The following MBTPS1 variants were observed in gnomAD, a reference collection of about 807,000 sequenced individuals.
MBTPS1 encodes the protein membrane bound transcription factor peptidase, site 1, also known as membrane-bound transcription factor site-1 protease.
In MBTPS1, 94 loss-of-function variants were observed where a neutral mutation model predicts 127.8. The ratio of observed to expected loss-of-function variants is 0.74; its 90% CI spans 0.62 to 0.87. The LOEUF is 0.87. Among genes scored for constraint, MBTPS1 ranks in the 40% least tolerant of loss-of-function variants. MBTPS1 has a pLI of 0.00. For synonymous variants in MBTPS1, 632 were observed against 509.4 expected, an observed-to-expected ratio of 1.24 and a Z score of -3.24; for missense variants, 1,636 against 1,353.2, an observed-to-expected ratio of 1.21 and a Z score of -3.28.
chr16:84,084,571 T>C (rs570452235), intron 10 of MBTPS1, among the ~76,000 whole-genome samples: 24 of 152,382 alleles, frequency 1.6e-4, no homozygotes, highest in African/African-American at 5.5e-4. Context: ...TTTTTTGTTT[T>C]TCTTTTTTAA....
At chr16:84,095,281 T>C (rs1386076803) in intron 4 of MBTPS1, among the ~76,000 whole-genome samples, 2 of 152,196 alleles carry the variant, frequency 1.3e-5, no homozygotes, top group Non-Finnish European at 2.9e-5. Context: ...TGCTCGTTTG[T>C]GTATGTGTCA....
intron 19 of MBTPS1, 108 bp downstream of exon 19, chr16:84,063,197 G>A: frequency 8.3e-7 from 1 of 1,199,724 alleles, no homozygotes; most frequent in Non-Finnish European, 1.2e-6. Context: ...TGGCTCAAGT[G>A]AACAGATGTC....
intron 1 of MBTPS1, among the ~76,000 whole-genome samples, chr16:84,104,093 A>G (rs2086292491): frequency 6.6e-6 from 1 of 152,258 alleles, no homozygotes; most frequent in African/African-American, 2.4e-5. Flanking sequence ...TAATGACATG[A>G]AGCATGTATC....
intron 7 of MBTPS1, among the ~76,000 whole-genome samples, chr16:84,091,514 A>G (rs2151162623): frequency 6.6e-6 from 1 of 151,308 alleles, no homozygotes; most frequent in African/African-American, 2.4e-5. Flanking sequence ...AAAAATCAGC[A>G]AGGCACCATG....
rs749215966 is a variant in MBTPS1, at chr16:84,060,673, T to A, written c.2704+9A>T. The A allele has an allele frequency of 3.1e-5, 50 of 1,611,618 alleles. No individual in the cohort carries two copies. The South Asian group carries it at 5.1e-4, about 16-fold the overall frequency. ...TTCCCTCCCCAAGGCATCCTGCCCA[T>A]CCACTCACCTTCCATCCTCTCTGGA... On this transcript the variant is annotated intron_variant, in intron 20 of 22. Transcript: ENST00000343411.
chr16:84,107,335 C>A (rs937400414), intron 1 of MBTPS1, among the ~76,000 whole-genome samples: 4 of 152,132 alleles, frequency 2.6e-5, no homozygotes, highest in Non-Finnish European at 5.9e-5. Flanking sequence ...CACCAAGCCA[C>A]CAGTGGCTGG....
At chr16:84,055,615 G>A (rs937463622) in intron 22 of MBTPS1, among the ~76,000 whole-genome samples, 7 of 152,210 alleles carry the variant, frequency 4.6e-5, no homozygotes, top group Admixed American at 1.3e-4. Flanking sequence ...TGAGGGCTGG[G>A]AGCCAGGGCG....
At position 84,091,737 on chromosome 16, in the gene MBTPS1, C is replaced by T; in HGVS notation, c.958G>A (p.Asp320Asn). ...TGTGCAGTGACTCCACAAACCTTGT[C>T]AACAAACGGATGATCCATGAAGTCC... ...GPDFMDHPFV[D>N]KVWELTANNV... is the part of the protein sequence containing the mutation. Residue 320 changes from aspartate (D) to asparagine (N), a missense_variant, in exon 7 of 23, where the codon GAC (aspartate) becomes AAC (asparagine). Transcript: ENST00000343411. The T allele has an allele frequency of 1.2e-6, 2 of 1,612,314 alleles. No homozygotes were observed. The highest frequency in any genetic ancestry group is 1.7e-6 in the Non-Finnish European group (2 of 1,178,450).
chr16:84,090,138 C>G (rs1425004940), intron 8 of MBTPS1, among the ~76,000 whole-genome samples: 1 of 151,950 alleles, frequency 6.6e-6, no homozygotes, highest in Non-Finnish European at 1.5e-5. Context: ...TGTCTTATGC[C>G]CTGGATTTGT....
chr16:84,081,476 G>A, intron 11 of MBTPS1: 1 of 254,674 alleles, frequency 3.9e-6, no homozygotes, highest in East Asian at 7.1e-5. Flanking sequence ...TATTTCAAGA[G>A]TCTAAGAAAG....
At chr16:84,078,028 A>G (rs951754004) in intron 11 of MBTPS1, among the ~76,000 whole-genome samples, 1 of 152,230 alleles carries the variant, frequency 6.6e-6, no homozygotes, top group African/African-American at 2.4e-5. Flanking sequence ...ACCATTTCTT[A>G]CCAATCAGAT....
chr16:84,081,678 T>C, intron 11 of MBTPS1, 69 bp downstream of exon 11: 1 of 1,201,402 alleles, frequency 8.3e-7, no homozygotes, highest in East Asian at 2.8e-5. Flanking sequence ...TTGTATTTTG[T>C]GCAGAGGGAA....
chr16:84,101,996 T>A lies in MBTPS1; in HGVS notation c.-213A>T. The A allele has an allele frequency of 1.9e-6, 1 of 533,946 alleles. No homozygotes were observed. The highest frequency in any genetic ancestry group is 3.3e-6 in the Non-Finnish European group (1 of 299,104). The allele number at this position is 533,946 out of a possible 1,614,324, so 33.1% of individuals were successfully genotyped here. ...CATTTCTTTCTCCGCTTCTTCTCCA[T>A]CTTGGAAATAAGGCTTCTCTCACTC... On this transcript the variant is annotated 5_prime_UTR_variant, in exon 2 of 23. The change abolishes an upstream ATG in the 5' untranslated region. Coordinates refer to ENST00000343411, the MANE Select transcript of MBTPS1 (RefSeq NM_003791.4).
chr16:84,106,366 G>T (rs1174894221), intron 1 of MBTPS1, among the ~76,000 whole-genome samples: 1 of 152,258 alleles, frequency 6.6e-6, no homozygotes, highest in East Asian at 1.9e-4. Flanking sequence ...GAGAGGGCTG[G>T]GTTTCTGCTA....
chr16:84,083,001 T>C (rs954951334), intron 10 of MBTPS1, among the ~76,000 whole-genome samples: 1 of 152,186 alleles, frequency 6.6e-6, no homozygotes, highest in Admixed American at 6.5e-5. Context: ...AAAGGCTTCC[T>C]TGTTGCTGAA....
chr16:84,090,854 A>C, intron 8 of MBTPS1, 21 bp downstream of exon 8: 1 of 1,587,664 alleles, frequency 6.3e-7, no homozygotes, highest in South Asian at 1.1e-5. Flanking sequence ...CCCCGAGGTC[A>C]TCCCTGCTGG....
intron 1 of MBTPS1, among the ~76,000 whole-genome samples, chr16:84,105,898 T>C (rs1171716745): frequency 6.6e-6 from 1 of 151,744 alleles, no homozygotes; most frequent in Non-Finnish European, 1.5e-5. Context: ...ACCATAGAAA[T>C]CTCTGACCTC....
At chr16:84,113,156 AG>A (rs2086422589) in intron 1 of MBTPS1, among the ~76,000 whole-genome samples, 1 of 152,204 alleles carries the variant, frequency 6.6e-6, no homozygotes, top group Non-Finnish European at 1.5e-5. Context: ...AGGAAAAGAT[AG>A]CCTTTGAAAA....
intron 8 of MBTPS1, among the ~76,000 whole-genome samples, chr16:84,089,825 C>CCGAT (rs2086079025): frequency 6.6e-6 from 1 of 152,180 alleles, no homozygotes; most frequent in South Asian, 2.1e-4. Flanking sequence ...TGACTCTGAA[C>CCGAT]CGATGAGTGC....
Sources: gnomAD v4.1 joint callset for allele counts (sites outside exome capture counted in the v4.1 genomes callset) on GRCh38, gnomAD v4.1.1 for gene constraint, MANE v1.5 for transcripts, NCBI Gene and HGNC (gene_info 2026-07-23, HGNC 2026-07-21) for gene names.